The following ADGRB3 variants were observed in gnomAD, a reference collection of about 807,000 sequenced individuals.
ADGRB3 encodes the protein brain-specific angiogenesis inhibitor 3.
Under a neutral mutation model 193.4 loss-of-function variants are expected in ADGRB3, and 37 were observed. The observed-to-expected ratio is 0.19, with a 90% CI of 0.15 to 0.25. The LOEUF (loss-of-function observed/expected upper bound fraction) is 0.25, where lower values mean the gene tolerates loss of function less well. ADGRB3 is among the 10% of genes least tolerant of loss of function. The pLI is 1.00. For missense variants in ADGRB3, 1,637 were observed against 1,852.9 expected (o/e 0.88, Z 2.14); for synonymous variants, 690 against 644.2 (o/e 1.07, Z -1.08).
intron 20 of ADGRB3, among the ~76,000 whole-genome samples, chr6:69,311,487 T>C (rs1048723485): frequency 1.3e-5 from 2 of 151,722 alleles, no homozygotes; most frequent in African/African-American, 4.8e-5. Context: ...AATTCCACAT[T>C]ATCTAGCTCT....
Position 69,131,503 on chromosome 6 carries a change from G to A in ADGRB3, c.2480+55465G>A, listed in dbSNP as rs373444131. On this transcript the variant is annotated intron_variant, in intron 17 of 31. Transcript: ENST00000370598. ...ATCTTGAAATGGTTTTAATTGCATC[G>A]AAAATGGGGGATACAACAGTTTCAA... Among the ~76,000 whole-genome samples, 27 of 151,870 alleles carry A rather than the reference G, an allele frequency of 1.8e-4. No individual in the cohort carries two copies. The East Asian group carries it at 2.3e-3, about 13-fold the overall frequency.
At chr6:69,223,921 T>C (rs1765953502) in intron 17 of ADGRB3, among the ~76,000 whole-genome samples, 1 of 151,928 alleles carries the variant, frequency 6.6e-6, no homozygotes, top group Admixed American at 6.6e-5. Flanking sequence ...CCTCCCAAAG[T>C]GTTAGGATTA....
chr6:68,781,199 A>C (rs946913753), intron 3 of ADGRB3, among the ~76,000 whole-genome samples: 6 of 152,116 alleles, frequency 3.9e-5, no homozygotes. Context: ...AATTTTCACC[A>C]TTTATATCAG....
At chr6:69,277,501 C>A (rs1767329823) in intron 20 of ADGRB3, among the ~76,000 whole-genome samples, 1 of 152,034 alleles carries the variant, frequency 6.6e-6, no homozygotes, top group Admixed American at 6.6e-5. Flanking sequence ...GTTGGCACAC[C>A]CTAAGGAGAT....
chr6:69,125,214 C>T (rs187164785), intron 17 of ADGRB3, among the ~76,000 whole-genome samples: 15 of 152,216 alleles, frequency 9.9e-5, no homozygotes, highest in African/African-American at 3.1e-4. Context: ...TGCAGAAGTC[C>T]AGAGTTCCCT....
chr6:68,810,822 T>A (rs1767498099), intron 3 of ADGRB3, among the ~76,000 whole-genome samples: 1 of 152,082 alleles, frequency 6.6e-6, no homozygotes, highest in Non-Finnish European at 1.5e-5. Flanking sequence ...GGAAAAATAA[T>A]TATGAGTGTA....
In ADGRB3 at chr6:68,882,247, G is replaced by A. The variant is rs1006420715; in HGVS notation, c.758-48312G>A. Among the ~76,000 whole-genome samples, 5 of 152,272 alleles carry A rather than the reference G, an allele frequency of 3.3e-5. No homozygotes were observed. In the East Asian group the frequency reaches 9.6e-4, roughly 29 times the overall value. ...CCACAAGGAAAAATATATTTAGATT[G>A]TAGAGTCCCAAGGTATTTCAAAAAC... On this transcript the variant is annotated intron_variant, in intron 3 of 31. Coordinates refer to ENST00000370598, the MANE Select transcript of ADGRB3 (RefSeq NM_001704.3).
At chr6:69,322,082 C>A (rs993075436) in intron 20 of ADGRB3, among the ~76,000 whole-genome samples, 1 of 151,894 alleles carries the variant, frequency 6.6e-6, no homozygotes, top group African/African-American at 2.4e-5. Context: ...CATTTAGCTC[C>A]CACTTATAAG....
chr6:68,720,695 A>G (rs971729702), intron 3 of ADGRB3, among the ~76,000 whole-genome samples: 2 of 151,756 alleles, frequency 1.3e-5, no homozygotes, highest in East Asian at 1.9e-4. Flanking sequence ...AGAAATGACC[A>G]TATGTGTTTT....
intron 21 of ADGRB3, among the ~76,000 whole-genome samples, chr6:69,325,430 T>G (rs1768546582): frequency 6.6e-6 from 1 of 151,846 alleles, no homozygotes. Flanking sequence ...CTCAAAGCAA[T>G]TAAAGAATAA....
chr6:69,350,910 T>A (rs1769207769), intron 26 of ADGRB3, among the ~76,000 whole-genome samples: 1 of 152,070 alleles, frequency 6.6e-6, no homozygotes, highest in South Asian at 2.1e-4. Context: ...GATACAAAAT[T>A]CAATTAATTA....
intron 3 of ADGRB3, among the ~76,000 whole-genome samples, chr6:68,661,964 C>T (rs1433759288): frequency 6.6e-6 from 1 of 151,188 alleles, no homozygotes; most frequent in Non-Finnish European, 1.5e-5. Context: ...TTTAAAGTGA[C>T]AAGGGATCAT....
At chr6:69,371,364 C>A (rs1326223528) in intron 29 of ADGRB3, among the ~76,000 whole-genome samples, 1 of 151,992 alleles carries the variant, frequency 6.6e-6, no homozygotes, top group African/African-American at 2.4e-5. Flanking sequence ...AGTTAAAATG[C>A]AGACTAGAGT....
intron 3 of ADGRB3, among the ~76,000 whole-genome samples, chr6:68,804,670 GAATA>G (rs1328449277): frequency 3.3e-5 from 5 of 151,986 alleles, no homozygotes; most frequent in African/African-American, 1.2e-4. Flanking sequence ...GAAAGAAATT[GAATA>G]AATAATTATT....
intron 3 of ADGRB3, among the ~76,000 whole-genome samples, chr6:68,669,757 C>A (rs1044996896): frequency 6.6e-6 from 1 of 151,792 alleles, no homozygotes; most frequent in African/African-American, 2.4e-5. Context: ...GTGCTGATAT[C>A]TCTTCGATGT....
At chr6:68,691,856 AT>A (rs1765082122) in intron 3 of ADGRB3, among the ~76,000 whole-genome samples, 2 of 151,514 alleles carry the variant, frequency 1.3e-5, no homozygotes, top group African/African-American at 4.8e-5. Flanking sequence ...ATATATATAT[AT>A]ATATGTATGT....
chr6:69,297,874 C>G (rs1042890715), intron 20 of ADGRB3, among the ~76,000 whole-genome samples: 4 of 151,870 alleles, frequency 2.6e-5, no homozygotes, highest in African/African-American at 9.7e-5. Context: ...CATTTTCTCC[C>G]TTACATAGAG....
intron 3 of ADGRB3, among the ~76,000 whole-genome samples, chr6:68,744,015 A>C (rs10455673): frequency 0.21 from 31,304 of 151,920 alleles, 3,822 homozygotes; most frequent in Middle Eastern, 0.43. Context: ...TTATTTGTAG[A>C]GTATCATACA....
At chr6:69,075,049 G>C (rs757477942) in intron 16 of ADGRB3, among the ~76,000 whole-genome samples, 19 of 152,276 alleles carry the variant, frequency 1.2e-4, no homozygotes, top group Non-Finnish European at 1.8e-4. Context: ...TCTAGCTCAG[G>C]AAGAGTCTAC....
Sources: gnomAD v4.1 joint callset for allele counts (sites outside exome capture counted in the v4.1 genomes callset) on GRCh38, gnomAD v4.1.1 for gene constraint, MANE v1.5 for transcripts, NCBI Gene and HGNC (gene_info 2026-07-23, HGNC 2026-07-21) for gene names.